Variants in WDPCP observed in about 807,000 individuals in gnomAD.
WDPCP encodes the protein WD repeat containing planar cell polarity effector.
A neutral mutation model predicts 93.1 loss-of-function variants in WDPCP; 71 were observed. That is an observed-to-expected ratio of 0.76 (90% CI 0.63 to 0.93). WDPCP has a LOEUF of 0.93. Among genes scored for constraint, WDPCP ranks in the 40% least tolerant of loss-of-function variants. The probability of loss-of-function intolerance (pLI) is 0.00; values close to 1 mark genes in which losing one functional copy is unlikely to be tolerated. For synonymous variants in WDPCP, 315 were observed against 315.0 expected (o/e 1.00, Z 0.00); for missense variants, 844 against 887.4 (o/e 0.95, Z 0.62).
intron 14 of WDPCP, among the ~76,000 whole-genome samples, chr2:63,258,926 A>G (rs1681368984): frequency 6.6e-6 from 1 of 152,182 alleles, no homozygotes; most frequent in Non-Finnish European, 1.5e-5. Flanking sequence ...TTTGCCTGAT[A>G]TAGGAGAGAA....
chr2:63,660,675 A>T (rs1486723896), intron 2 of WDPCP, among the ~76,000 whole-genome samples: 1 of 152,200 alleles, frequency 6.6e-6, no homozygotes, highest in Admixed American at 6.5e-5. Context: ...TCCCAAAATG[A>T]GATATCAAAT....
At chr2:63,700,230 C>A (rs1482085567) in intron 2 of WDPCP, among the ~76,000 whole-genome samples, 1 of 144,114 alleles carries the variant, frequency 6.9e-6, no homozygotes, top group African/African-American at 2.6e-5. Flanking sequence ...CTGCAGTGAG[C>A]CACGATCGTG....
At chr2:63,706,371 A>G (rs1220391141) in intron 2 of WDPCP, among the ~76,000 whole-genome samples, 1 of 152,040 alleles carries the variant, frequency 6.6e-6, no homozygotes, top group East Asian at 1.9e-4. Context: ...TCATTAGTTG[A>G]TGCAGTTTCT....
At chr2:63,154,610 TAC>T (rs1463871196) in intron 15 of WDPCP, among the ~76,000 whole-genome samples, 3 of 152,200 alleles carry the variant, frequency 2.0e-5, no homozygotes, top group Non-Finnish European at 4.4e-5. Flanking sequence ...AGCATTCATG[TAC>T]AGTTTCTTGT....
chr2:63,326,993 C>T (rs1687606733), intron 12 of WDPCP, among the ~76,000 whole-genome samples: 1 of 152,056 alleles, frequency 6.6e-6, no homozygotes, highest in Non-Finnish European at 1.5e-5. Flanking sequence ...CACTGACAAC[C>T]CATAGCCTTC....
chr2:63,569,865 G>C (rs1707354028), intron 1 of WDPCP, among the ~76,000 whole-genome samples: 1 of 152,150 alleles, frequency 6.6e-6, no homozygotes, highest in Non-Finnish European at 1.5e-5. Flanking sequence ...AGCATTGAAA[G>C]TACCCCAATG....
chr2:63,615,627 C>G (rs922917207), intron 3 of WDPCP, among the ~76,000 whole-genome samples: 6 of 152,196 alleles, frequency 3.9e-5, no homozygotes, highest in Non-Finnish European at 7.4e-5. Context: ...GGACCCCACT[C>G]TGCAGCAGAG....
At chr2:63,295,559 T>G (rs957647199) in intron 13 of WDPCP, among the ~76,000 whole-genome samples, 3 of 142,230 alleles carry the variant, frequency 2.1e-5, no homozygotes, top group Admixed American at 2.1e-4. Context: ...GAATATTATA[T>G]AAGTACAATC....
intron 9 of WDPCP, among the ~76,000 whole-genome samples, chr2:63,425,932 G>T (rs929322028): frequency 1.4e-4 from 21 of 152,160 alleles, no homozygotes; most frequent in African/African-American, 4.6e-4. Flanking sequence ...TCTTCAGATT[G>T]CCCAAAGTCA....
intron 6 of WDPCP, among the ~76,000 whole-genome samples, chr2:63,460,201 A>G (rs1478465841): frequency 6.6e-6 from 1 of 152,146 alleles, no homozygotes; most frequent in Admixed American, 6.5e-5. Context: ...ATGGAACTGG[A>G]GGTCAGTATG....
rs749293863 is a variant in WDPCP, at chr2:63,605,364, G to A, written n.488+45295C>T. ...TGCTGCAAAAGCCATCTGTGACCAC[G>A]TCAGGGACATCTGGTTTGGAACCCC... On this transcript the variant is annotated intron_variant and non_coding_transcript_variant, in intron 3 of 4. Coordinates refer to the WDPCP transcript ENST00000467687. 5.9e-5 allele frequency: 96 copies of A among 1,613,984 alleles called. No homozygotes were observed. The highest frequency in any genetic ancestry group is 2.3e-4 in the Admixed American group (14 of 59,998).
intron 1 of WDPCP, among the ~76,000 whole-genome samples, chr2:63,582,860 C>T (rs958623996): frequency 1.7e-4 from 26 of 152,124 alleles, no homozygotes; most frequent in African/African-American, 3.4e-4. Flanking sequence ...TCCACACATA[C>T]AAAAGCTGAG....
chr2:63,574,470 A>G (rs913313081), intron 1 of WDPCP, among the ~76,000 whole-genome samples: 1 of 152,232 alleles, frequency 6.6e-6, no homozygotes, highest in African/African-American at 2.4e-5. Flanking sequence ...TTTCTGAATC[A>G]GGACACAGTT....
chr2:63,688,414 G>A (rs998928351), intron 2 of WDPCP, among the ~76,000 whole-genome samples: 4 of 150,934 alleles, frequency 2.7e-5, no homozygotes, highest in African/African-American at 7.3e-5. Context: ...GTGACAGAGC[G>A]AGACTCCATC....
chr2:63,544,480 G>T (rs13412204), intron 1 of WDPCP, among the ~76,000 whole-genome samples: 1 of 152,168 alleles, frequency 6.6e-6, no homozygotes, highest in African/African-American at 2.4e-5. Context: ...TTTCAAATGT[G>T]TTCAAACTGA....
intron 15 of WDPCP, among the ~76,000 whole-genome samples, chr2:63,160,228 A>C (rs1325612145): frequency 6.6e-6 from 1 of 152,208 alleles, no homozygotes; most frequent in Non-Finnish European, 1.5e-5. Flanking sequence ...AGAACCTGAT[A>C]ATCGTGATTT....
chr2:63,667,745 A>T (rs546987915), intron 2 of WDPCP, among the ~76,000 whole-genome samples: 1 of 119,222 alleles, frequency 8.4e-6, no homozygotes, highest in African/African-American at 3.5e-5. Flanking sequence ...CAGGAGGAAG[A>T]GCTGCTGGCT....
intron 15 of WDPCP, among the ~76,000 whole-genome samples, chr2:63,172,000 C>T (rs934130524): frequency 2.6e-5 from 4 of 152,090 alleles, no homozygotes; most frequent in Non-Finnish European, 5.9e-5. Context: ...TAAAATTTCT[C>T]TAGAGACAGA....
At chr2:63,497,710 C>T (rs1253934228) in intron 1 of WDPCP, among the ~76,000 whole-genome samples, 2 of 152,152 alleles carry the variant, frequency 1.3e-5, no homozygotes, top group Non-Finnish European at 2.9e-5. Flanking sequence ...GAATCTTACT[C>T]AAGTGTGCCA....
Sources: allele counts gnomAD v4.1 joint callset (sites outside exome capture counted in the v4.1 genomes callset), GRCh38; gene constraint gnomAD v4.1.1; transcripts MANE v1.5; gene names NCBI Gene and HGNC (gene_info 2026-07-23, HGNC 2026-07-21).